Variants in RBPJ observed in about 807,000 individuals in gnomAD.
The protein encoded by RBPJ is recombining binding protein suppressor of hairless.
A neutral mutation model predicts 67.8 loss-of-function variants in RBPJ; 9 were observed. That is an observed-to-expected ratio of 0.13 (90% CI 0.08 to 0.23). The LOEUF is 0.23. RBPJ is among the 10% of genes least tolerant of loss of function. The probability of loss-of-function intolerance (pLI) is 1.00; values close to 1 mark genes in which losing one functional copy is unlikely to be tolerated. For missense variants in RBPJ, 305 were observed against 595.6 expected (o/e 0.51, Z 5.08); for synonymous variants, 198 against 203.3 (o/e 0.97, Z 0.22).
intron 2 of RBPJ, among the ~76,000 whole-genome samples, chr4:26,404,945 T>C (rs192989716): frequency 5.9e-5 from 9 of 152,344 alleles, no homozygotes; most frequent in Non-Finnish European, 1.0e-4. Flanking sequence ...TGGTGCTTTT[T>C]GTACATATCT....
chr4:26,124,955 C>A, the RBPJ span, among the ~76,000 whole-genome samples: 2 of 152,142 alleles, frequency 1.3e-5, no homozygotes, highest in African/African-American at 4.8e-5. Context: ...GTGTCAGAGG[C>A]CCGGACACTT....
chr4:26,204,395 G>C (rs761038436), intron 1 of RBPJ, among the ~76,000 whole-genome samples: 1 of 151,228 alleles, frequency 6.6e-6, no homozygotes, highest in Non-Finnish European at 1.5e-5. Context: ...AGTCTGCTCA[G>C]TAAAGGCTGT....
chr4:26,187,168 G>A (rs1037346061), intron 1 of RBPJ, among the ~76,000 whole-genome samples: 2 of 152,210 alleles, frequency 1.3e-5, no homozygotes, highest in Non-Finnish European at 2.9e-5. Context: ...GCTGCGGTGA[G>A]CCATGACTGC....
In RBPJ at chr4:26,215,286, A is replaced by G. The variant is rs373451144; in HGVS notation, c.-167+51672A>G. Among the ~76,000 whole-genome samples, 116 of 70,116 alleles carry G rather than the reference A, an allele frequency of 1.7e-3. 1 individual carries two copies. The highest frequency in any genetic ancestry group is 2.2e-3 in the Non-Finnish European group (85 of 39,140). 46.0% of individuals were successfully genotyped at this position (70,116 alleles called of 152,430 possible). ...AAGGGAGGGAGGAAAAAGAGAGAGA[A>G]AGAAAGAGAAAAAGAGAGAGAAAAG... On this transcript the variant is annotated intron_variant, in intron 1 of 4. Coordinates refer to the RBPJ transcript ENST00000512351.
chr4:26,371,431 T>C (rs1196616279), intron 1 of RBPJ, among the ~76,000 whole-genome samples: 1 of 152,232 alleles, frequency 6.6e-6, no homozygotes, highest in Non-Finnish European at 1.5e-5. Flanking sequence ...ATTTCTCTAA[T>C]GGGCATGTAT....
At chr4:26,183,963 G>C (rs1378668233) in intron 1 of RBPJ, among the ~76,000 whole-genome samples, 2 of 152,056 alleles carry the variant, frequency 1.3e-5, no homozygotes, top group Admixed American at 6.6e-5. Context: ...AGTAAGCTGA[G>C]ATCGCATCAC....
rs1404583775 is a variant in RBPJ, at chr4:26,191,238, G to T, written c.-167+27624G>T. Among the ~76,000 whole-genome samples, 221 of 108,070 alleles carry T rather than the reference G, an allele frequency of 2.0e-3. 3 individuals carry two copies. The highest frequency in any genetic ancestry group is 7.2e-3 in the African/African-American group (196 of 27,178). The allele number at this position is 108,070 out of a possible 152,430, so 70.9% of individuals were successfully genotyped here. A position where few individuals can be genotyped will look rare whatever the true frequency, so the allele number is the denominator to read the frequency against. On this transcript the variant is annotated intron_variant, in intron 1 of 4. Transcript: ENST00000512351. The stretch of plus-strand genomic sequence containing the variant: ...AGAGAGAGAGAGAGAGAGAGAGAGA[G>T]AGATAGAGAGAGAGAGAGGGAGAGA...
intron 1 of RBPJ, among the ~76,000 whole-genome samples, chr4:26,374,848 A>G (rs2109569009): frequency 6.6e-6 from 1 of 152,282 alleles, no homozygotes; most frequent in Admixed American, 6.5e-5. Flanking sequence ...GTGGAAAATC[A>G]TGAACATTAT....
Position 26,411,033 on chromosome 4 carries a change from C to T in RBPJ, c.156-4442C>T, listed in dbSNP as rs150690673. On this transcript the variant is annotated intron_variant, in intron 3 of 10. Transcript: ENST00000355476. ...AGCTAACCACTTTTCAGACTTTTCA[C>T]TGAGTGTTTGATACATATTGACCAA... Among the ~76,000 whole-genome samples, 439 of 152,298 alleles carry T rather than the reference C, an allele frequency of 2.9e-3. 5 individuals carry two copies. The highest frequency in any genetic ancestry group is 0.022 in the East Asian group (115 of 5,182).
At chr4:26,207,284 G>A (rs531116486) in intron 1 of RBPJ, among the ~76,000 whole-genome samples, 1 of 152,218 alleles carries the variant, frequency 6.6e-6, no homozygotes, top group South Asian at 2.1e-4. Context: ...GAACCAGGGT[G>A]GGATAATAAT....
intron 1 of RBPJ, among the ~76,000 whole-genome samples, chr4:26,366,014 T>C (rs1165228530): frequency 6.6e-6 from 1 of 152,230 alleles, no homozygotes; most frequent in Non-Finnish European, 1.5e-5. Context: ...TTTAGCAAGT[T>C]GCTGCCTCCC....
intron 1 of RBPJ, among the ~76,000 whole-genome samples, chr4:26,183,405 C>G (rs956982515): frequency 1.3e-5 from 2 of 152,226 alleles, no homozygotes; most frequent in Non-Finnish European, 2.9e-5. Context: ...TCAGAGCACA[C>G]GTTCTTGTTA....
At chr4:26,109,733 A>G in the RBPJ span, among the ~76,000 whole-genome samples, 1,877 of 138,626 alleles carry the variant, frequency 0.014, 140 homozygotes, top group Middle Eastern at 0.026. Flanking sequence ...CTCTCTCTAT[A>G]TATATATATA....
At chr4:26,406,415 A>G in intron 3 of RBPJ, 145 bp downstream of exon 3, 1 of 607,398 alleles carries the variant, frequency 1.6e-6, no homozygotes, top group Middle Eastern at 4.6e-4. Flanking sequence ...TGTCTCCTGA[A>G]GGGGAGAAAC....
At chr4:26,211,032 C>T (rs894226980) in intron 1 of RBPJ, among the ~76,000 whole-genome samples, 3 of 151,994 alleles carry the variant, frequency 2.0e-5, no homozygotes, top group Non-Finnish European at 2.9e-5. Flanking sequence ...CTGTGCAGAG[C>T]ACAGGTGTAT....
At chr4:26,344,763 A>G (rs1725958303) in intron 1 of RBPJ, among the ~76,000 whole-genome samples, 1 of 152,100 alleles carries the variant, frequency 6.6e-6, no homozygotes, top group Non-Finnish European at 1.5e-5. Context: ...CTCAAAGCCC[A>G]CTGTATATGT....
chr4:26,125,814 T>C, the RBPJ span, among the ~76,000 whole-genome samples: 1 of 147,268 alleles, frequency 6.8e-6, no homozygotes, highest in Non-Finnish European at 1.5e-5. Context: ...AAAAAAAAAA[T>C]CGTCCCTCTT....
intron 2 of RBPJ, among the ~76,000 whole-genome samples, chr4:26,392,371 C>T (rs1394268810): frequency 3.9e-5 from 6 of 152,150 alleles, no homozygotes; most frequent in Non-Finnish European, 7.4e-5. Flanking sequence ...CACAAATGTT[C>T]ATGTTAGCTT....
At chr4:26,418,412 T>C (rs1465355746) in intron 4 of RBPJ, among the ~76,000 whole-genome samples, 2 of 152,230 alleles carry the variant, frequency 1.3e-5, no homozygotes, top group African/African-American at 2.4e-5. Flanking sequence ...TTAAAACTAA[T>C]AGTTCCCATA....
Sources: allele counts gnomAD v4.1 joint callset (sites outside exome capture counted in the v4.1 genomes callset), GRCh38; gene constraint gnomAD v4.1.1; transcripts MANE v1.5; gene names NCBI Gene and HGNC (gene_info 2026-07-23, HGNC 2026-07-21).